The following NEDD9 variants were observed in gnomAD, a reference collection of about 807,000 sequenced individuals.
NEDD9 encodes the protein enhancer of filamentation 1.
NEDD9 carries 26 observed loss-of-function variants against 76.6 expected under a neutral mutation model. The observed-to-expected ratio is 0.34, with a 90% CI of 0.25 to 0.47. The LOEUF (loss-of-function observed/expected upper bound fraction) is 0.47. Among genes scored for constraint, NEDD9 ranks in the 20% least tolerant of loss-of-function variants. NEDD9 has a pLI of 1.00. For missense variants in NEDD9, 937 were observed against 1,058.5 expected, an observed-to-expected ratio of 0.89 and a Z score of 1.59; for synonymous variants, 392 against 414.2, an observed-to-expected ratio of 0.95 and a Z score of 0.65.
chr6:11,298,311 G>C (rs1186543237), intron 3 of NEDD9, among the ~76,000 whole-genome samples: 2 of 152,014 alleles, frequency 1.3e-5, no homozygotes, highest in Non-Finnish European at 2.9e-5. Flanking sequence ...GTATCTGTGT[G>C]TATGAAAAGT....
intron 2 of NEDD9, among the ~76,000 whole-genome samples, chr6:11,316,601 C>T (rs773154818): frequency 3.9e-5 from 6 of 152,140 alleles, no homozygotes; most frequent in Non-Finnish European, 7.3e-5. Context: ...GGAATTAACT[C>T]GATCACATTT....
At chr6:11,336,562 T>TAA (rs1328412863) in intron 1 of NEDD9, among the ~76,000 whole-genome samples, 2 of 152,182 alleles carry the variant, frequency 1.3e-5, no homozygotes, top group Non-Finnish European at 2.9e-5. Context: ...CCATGAATGG[T>TAA]GCTTGCAGGA....
intron 2 of NEDD9, among the ~76,000 whole-genome samples, chr6:11,318,511 C>T (rs925171514): frequency 3.3e-5 from 5 of 152,108 alleles, no homozygotes; most frequent in African/African-American, 1.2e-4. Flanking sequence ...TAGAATTCAC[C>T]TTCAGACTTT....
intron 3 of NEDD9, chr6:11,305,087 G>C (rs1234316826): frequency 7.8e-7 from 1 of 1,287,566 alleles, no homozygotes; most frequent in Non-Finnish European, 1.0e-6. Flanking sequence ...TGCCCAGAAA[G>C]GAGATTGGGC....
intron 1 of NEDD9, among the ~76,000 whole-genome samples, chr6:11,221,132 C>T (rs1467719046): frequency 6.6e-6 from 1 of 152,076 alleles, no homozygotes; most frequent in Non-Finnish European, 1.5e-5. Flanking sequence ...CCTGTAATCC[C>T]AGCACTTTGG....
intron 3 of NEDD9, among the ~76,000 whole-genome samples, chr6:11,285,991 T>C (rs1760640223): frequency 6.6e-6 from 1 of 152,124 alleles, no homozygotes. Context: ...AATTAATAAA[T>C]AGGACTTCAT....
chr6:11,242,311 A>T (rs1427569997), intron 3 of NEDD9, among the ~76,000 whole-genome samples: 1 of 152,180 alleles, frequency 6.6e-6, no homozygotes, highest in Non-Finnish European at 1.5e-5. Flanking sequence ...TAACTTGCTG[A>T]AGGCCTGGCA....
intron 1 of NEDD9, among the ~76,000 whole-genome samples, chr6:11,355,915 G>A (rs1175001202): frequency 7.2e-5 from 11 of 152,018 alleles, no homozygotes; most frequent in Non-Finnish European, 1.3e-4. Flanking sequence ...TAGAGACGGG[G>A]TTTCACCGTG....
chr6:11,192,596 C>CTTT (rs34998457), intron 3 of NEDD9, 150 bp from the exon 4 acceptor site: 122,718 of 503,522 alleles, frequency 0.24, 8,446 homozygotes, highest in East Asian at 0.45. Flanking sequence ...GATTTATTGC[C>CTTT]TTTTTTTTTA....
At chr6:11,192,289 C>CCCT (rs5874310) in intron 4 of NEDD9, 56 bp downstream of exon 4, 14 of 470,320 alleles carry the variant, frequency 3.0e-5, no homozygotes, top group Non-Finnish European at 4.3e-5. Context: ...CTGCACCCCC[C>CCCT]GACACACAGA....
intron 1 of NEDD9, among the ~76,000 whole-genome samples, chr6:11,335,338 T>C (rs1251690153): frequency 1.3e-5 from 2 of 152,210 alleles, no homozygotes; most frequent in Non-Finnish European, 2.9e-5. Flanking sequence ...TGTTTGGTAG[T>C]CTGCTGCCAG....
intron 1 of NEDD9, among the ~76,000 whole-genome samples, chr6:11,359,037 A>G (rs191610077): frequency 3.4e-4 from 52 of 152,350 alleles, no homozygotes; most frequent in African/African-American, 1.2e-3. Context: ...TGAAAAGCTT[A>G]GAGAGACTTG....
rs1411320922 is a variant in NEDD9 at position 11,184,859 on chromosome 6, A to G, written c.*303T>C. Reference sequence around the variant, plus strand: ...CATGGTTTTTTTTTTAATGAAATGCATCAGACAAACATCTACAAACAAACA... The same window carrying G: ...CATGGTTTTTTTTTTAATGAAATGCGTCAGACAAACATCTACAAACAAACA... On this transcript the variant is annotated 3_prime_UTR_variant, in exon 7 of 7. Coordinates refer to ENST00000379446, the MANE Select transcript of NEDD9 (RefSeq NM_006403.4). 3.4e-5 allele frequency: 8 copies of G among 232,604 alleles called. No homozygotes were observed. Among genetic ancestry groups the G allele is most frequent in the African/African-American group, 1.1e-4 (5 of 44,206 alleles). 14.4% of individuals were successfully genotyped at this position (232,604 alleles called of 1,614,324 possible). A position where few individuals can be genotyped will look rare whatever the true frequency, so the allele number is the denominator to read the frequency against.
At chr6:11,286,618 A>G (rs1176261174) in intron 3 of NEDD9, among the ~76,000 whole-genome samples, 2 of 152,270 alleles carry the variant, frequency 1.3e-5, no homozygotes, top group Non-Finnish European at 2.9e-5. Context: ...ATCCGTATGA[A>G]GAATAACACT....
chr6:11,338,939 T>A (rs1762219667), intron 1 of NEDD9, among the ~76,000 whole-genome samples: 1 of 148,594 alleles, frequency 6.7e-6, no homozygotes, highest in African/African-American at 2.6e-5. Flanking sequence ...AAAAAAAAAA[T>A]TAAACTATGG....
intron 2 of NEDD9, among the ~76,000 whole-genome samples, chr6:11,197,021 A>C (rs1391203956): frequency 6.6e-6 from 1 of 152,078 alleles, no homozygotes; most frequent in Non-Finnish European, 1.5e-5. Context: ...TGCGTGACAT[A>C]AGTACACAAA....
chr6:11,314,290 G>A (rs1231361941), intron 2 of NEDD9, among the ~76,000 whole-genome samples: 2 of 152,148 alleles, frequency 1.3e-5, no homozygotes, highest in Non-Finnish European at 2.9e-5. Context: ...CATAGTAAGT[G>A]CTCAGTAAAA....
At chr6:11,316,977 T>C (rs1300321110) in intron 2 of NEDD9, among the ~76,000 whole-genome samples, 1 of 152,196 alleles carries the variant, frequency 6.6e-6, no homozygotes, top group African/African-American at 2.4e-5. Context: ...TCCAGTTTCA[T>C]GTGGAGACTA....
At chr6:11,360,688 G>A (rs984202162) in intron 1 of NEDD9, among the ~76,000 whole-genome samples, 23 of 152,184 alleles carry the variant, frequency 1.5e-4, no homozygotes, top group African/African-American at 5.6e-4. Flanking sequence ...CAGAAGCTGA[G>A]CAGCTGCCAG....
Sources: gnomAD v4.1 joint callset for allele counts (sites outside exome capture counted in the v4.1 genomes callset) on GRCh38, gnomAD v4.1.1 for gene constraint, MANE v1.5 for transcripts, NCBI Gene and HGNC (gene_info 2026-07-23, HGNC 2026-07-21) for gene names.